The following PIGF variants were observed in gnomAD, a reference collection of about 807,000 sequenced individuals.
The protein encoded by PIGF is GPI ethanolamine phosphate transferase, stabilizing subunit.
Under a neutral mutation model 26.0 loss-of-function variants are expected in PIGF, and 23 were observed. The observed-to-expected ratio is 0.88, with a 90% confidence interval of 0.64 to 1.25. The LOEUF (loss-of-function observed/expected upper bound fraction) is 1.25. Ranked by LOEUF, PIGF falls within the 50% of genes most tolerant of loss-of-function variation. PIGF has a pLI of 0.00. For missense variants in PIGF, 278 were observed against 249.9 expected (o/e 1.11, Z -0.76); for synonymous variants, 93 against 92.6 (o/e 1.00, Z -0.03).
Position 46,601,668 on chromosome 2 carries a change from T to C in PIGF, c.438-9085A>G, listed in dbSNP as rs1156431777. 2.6e-5 allele frequency among the ~76,000 whole-genome samples: 4 copies of C among 152,078 alleles called. No homozygotes were observed. The East Asian group carries it at 7.7e-4, about 29-fold the overall frequency. On this transcript the variant is annotated intron_variant, in intron 4 of 5. Coordinates refer to ENST00000281382, the MANE Select transcript of PIGF (RefSeq NM_002643.4). ...CTAAATTTTTTGCCCACATTTATAC[T>C]AAATTATCTACTTTTTATATGAGTA...
intron 4 of PIGF, among the ~76,000 whole-genome samples, chr2:46,598,529 ATTTT>A (rs747263045): frequency 2.7e-4 from 28 of 103,512 alleles, no homozygotes; most frequent in Admixed American, 3.2e-4. Context: ...ACATTATGAG[ATTTT>A]TTTTTTTTTT....
Position 46,581,450 on chromosome 2 carries a change from C to T in PIGF, c.*28G>A. 4 of 1,603,242 alleles carry T rather than the reference C, an allele frequency of 2.5e-6. No individual in the cohort carries two copies. The highest frequency in any genetic ancestry group is 3.4e-6 in the Non-Finnish European group (4 of 1,175,098). Reference sequence around the variant, plus strand: ...TTCTGCCCAGCCCTTACAGAATCTGCACAAAGAAATATCTCCCTTTGCTCC... The same window carrying T: ...TTCTGCCCAGCCCTTACAGAATCTGTACAAAGAAATATCTCCCTTTGCTCC... On this transcript the variant is annotated 3_prime_UTR_variant, in exon 6 of 6. Transcript: ENST00000281382.
intron 5 of PIGF, among the ~76,000 whole-genome samples, chr2:46,590,510 T>C (rs1263405888): frequency 8.7e-6 from 1 of 114,620 alleles, no homozygotes; most frequent in Non-Finnish European, 1.8e-5. Context: ...TACACTCTAA[T>C]GTATTGCATC....
intron 5 of PIGF, among the ~76,000 whole-genome samples, chr2:46,585,079 T>C (rs1003036905): frequency 8.5e-5 from 13 of 152,182 alleles, no homozygotes; most frequent in Non-Finnish European, 1.6e-4. Context: ...ACAAATAGGA[T>C]TTTTTAAAAA....
chr2:46,592,907 A>G (rs552341421), intron 4 of PIGF, among the ~76,000 whole-genome samples: 1 of 152,216 alleles, frequency 6.6e-6, no homozygotes, highest in South Asian at 2.1e-4. Flanking sequence ...ATGCTAAATT[A>G]TTACATATTC....
chr2:46,585,529 ATACTT>A (rs1194950486), intron 5 of PIGF, among the ~76,000 whole-genome samples: 1 of 152,236 alleles, frequency 6.6e-6, no homozygotes, highest in African/African-American at 2.4e-5. Context: ...AGTACCTACT[ATACTT>A]AAAATGCAGG....
chr2:46,614,918 A>G lies in PIGF; in HGVS notation c.228+19T>C, dbSNP rs1241674890. On this transcript the variant is annotated intron_variant, in intron 2 of 5. Transcript: ENST00000281382. ...CACTAGCTCCATCCAAAAATCAGTT[A>G]TTGAGACATAAGCCTTACCTTGTGT... 14 of 1,140,504 alleles carry G rather than the reference A, an allele frequency of 1.2e-5. No individual in the cohort carries two copies. The highest frequency in any genetic ancestry group is 7.0e-5 in the Admixed American group (4 of 57,110). The allele number at this position is 1,140,504 out of a possible 1,614,324, so 70.6% of individuals were successfully genotyped here.
intron 4 of PIGF, among the ~76,000 whole-genome samples, chr2:46,609,812 C>G (rs1240241000): frequency 6.6e-6 from 1 of 151,906 alleles, no homozygotes; most frequent in Non-Finnish European, 1.5e-5. Flanking sequence ...AGCCATGGTG[C>G]CCCAAAACAA....
chr2:46,610,524 T>TG (rs1670376285), intron 4 of PIGF, among the ~76,000 whole-genome samples: 2 of 130,926 alleles, frequency 1.5e-5, no homozygotes, highest in Non-Finnish European at 3.2e-5. Flanking sequence ...CAGTACTGAT[T>TG]CCTTTTTTTT....
intron 4 of PIGF, among the ~76,000 whole-genome samples, chr2:46,600,909 A>G (rs964729490): frequency 6.6e-6 from 1 of 151,912 alleles, no homozygotes; most frequent in African/African-American, 2.4e-5. Context: ...TTTGTTTTAA[A>G]ATTATATATA....
At position 46,595,371 on chromosome 2, in the gene PIGF, C is replaced by A. The variant is rs140820307; in HGVS notation, c.438-2788G>T. Among the ~76,000 whole-genome samples the A allele has an allele frequency of 5.1e-3, 778 of 152,248 alleles. 14 individuals are homozygous for A. The highest frequency in any genetic ancestry group is 3.8e-3 in the Non-Finnish European group (257 of 68,030). On this transcript the variant is annotated intron_variant, in intron 4 of 5. Coordinates refer to ENST00000281382, the MANE Select transcript of PIGF (RefSeq NM_002643.4). ...AAATGGAATCATAAAGCATGTATGA[C>A]TGGCTTCTTTTTCCTAGCATAATGT...
chr2:46,603,901 A>G (rs1670136279), intron 4 of PIGF, among the ~76,000 whole-genome samples: 1 of 152,124 alleles, frequency 6.6e-6, no homozygotes. Context: ...AAAAGAAACA[A>G]TCAAGAAAGT....
At chr2:46,605,470 T>C (rs191206108) in intron 4 of PIGF, among the ~76,000 whole-genome samples, 295 of 152,258 alleles carry the variant, frequency 1.9e-3, no homozygotes, top group African/African-American at 6.7e-3. Context: ...GGACTGAAAG[T>C]ATGATATATA....
intron 5 of PIGF, chr2:46,582,102 T>C (rs11306): frequency 0.15 from 23,496 of 154,166 alleles, 2,700 homozygotes; most frequent in African/African-American, 0.32. Context: ...GATATAGATG[T>C]TGGAACCACA....
chr2:46,616,933 G>T, intron 1 of PIGF, 37 bp downstream of exon 1: 1 of 300,182 alleles, frequency 3.3e-6, no homozygotes, highest in Admixed American at 9.7e-5. Context: ...CTTGCACCTC[G>T]TGAGGCGAGA....
chr2:46,616,882 G>GT, intron 1 of PIGF, 88 bp downstream of exon 1: 1 of 329,406 alleles, frequency 3.0e-6, no homozygotes, highest in Admixed American at 4.7e-5. Flanking sequence ...GCGGGTCGGG[G>GT]CGCCAAGGCT....
chr2:46,607,803 T>C (rs937246892), intron 4 of PIGF, among the ~76,000 whole-genome samples: 15 of 152,146 alleles, frequency 9.9e-5, no homozygotes, highest in Non-Finnish European at 2.1e-4. Flanking sequence ...CAAGTGATTC[T>C]TGTGCCTCAG....
intron 4 of PIGF, among the ~76,000 whole-genome samples, chr2:46,596,196 G>A (rs1259973409): frequency 1.4e-5 from 2 of 146,290 alleles, no homozygotes; most frequent in Non-Finnish European, 3.0e-5. Context: ...CCTGGCGACA[G>A]AGCGAGACCC....
chr2:46,614,836 C>T (rs1670556251), intron 2 of PIGF, 101 bp downstream of exon 2: 3 of 628,622 alleles, frequency 4.8e-6, no homozygotes, highest in Non-Finnish European at 8.5e-6. Flanking sequence ...TCCCTTTGCT[C>T]ACTATAAATA....
Sources: gnomAD v4.1 joint callset for allele counts (sites outside exome capture counted in the v4.1 genomes callset) on GRCh38, gnomAD v4.1.1 for gene constraint, MANE v1.5 for transcripts, NCBI Gene and HGNC (gene_info 2026-07-23, HGNC 2026-07-21) for gene names.